The following CACNA1A variants were observed in gnomAD, a reference collection of about 807,000 sequenced individuals.
The protein encoded by CACNA1A is calcium voltage-gated channel subunit alpha1 A, also known as voltage-dependent P/Q-type calcium channel subunit alpha-1A.
CACNA1A carries 57 observed loss-of-function variants against 262.4 expected under a neutral mutation model. That is an observed-to-expected ratio of 0.22 (90% CI 0.18 to 0.27). CACNA1A has a LOEUF of 0.27. Ranked by LOEUF, CACNA1A falls within the 10% of genes least tolerant of loss-of-function variation. The probability of loss-of-function intolerance (pLI) is 1.00; values close to 1 mark genes in which losing one functional copy is unlikely to be tolerated. For missense variants in CACNA1A, 2,526 were observed against 3,562.8 expected, an observed-to-expected ratio of 0.71 and a Z score of 7.41; for synonymous variants, 1,431 against 1,419.3, an observed-to-expected ratio of 1.01 and a Z score of -0.18.
chr19:13,452,600 G>A, intron 3 of CACNA1A: 1 of 279,274 alleles, frequency 3.6e-6, no homozygotes, highest in Non-Finnish European at 6.7e-6. Context: ...CTAATTCAGT[G>A]GGTTGTTGCA....
intron 10 of CACNA1A, among the ~76,000 whole-genome samples, chr19:13,324,546 C>T (rs906217839): frequency 2.0e-5 from 3 of 152,140 alleles, no homozygotes; most frequent in African/African-American, 7.2e-5. Flanking sequence ...CATCACACTG[C>T]ACTCCATAAA....
In CACNA1A at chr19:13,506,099, G is replaced by A. The variant is rs1442192981; in HGVS notation, c.126C>T (p.Pro42=). Residue 42 remains proline, a synonymous_variant, in exon 1 of 47, where the codon CCC becomes CCT. Transcript: ENST00000360228. ...GAGGSRQGGQ[P]GAQRMYKQSM... ...ACTGCTTGTACATCCTTTGCGCCCC[G>A]GGCTGCCCGCCCTGCCGGCTGCCCC... 12 of 1,612,840 alleles carry A rather than the reference G, an allele frequency of 7.4e-6. No homozygotes were observed. The highest frequency in any genetic ancestry group is 1.7e-5 in the Admixed American group (1 of 59,940).
chr19:13,233,606 G>A (rs2055751004), intron 34 of CACNA1A, among the ~76,000 whole-genome samples: 1 of 152,128 alleles, frequency 6.6e-6, no homozygotes, highest in Non-Finnish European at 1.5e-5. Flanking sequence ...TCCTGCCTCA[G>A]CCTCCCAAGT....
intron 1 of CACNA1A, among the ~76,000 whole-genome samples, chr19:13,461,611 C>T (rs544243893): frequency 6.6e-6 from 1 of 152,178 alleles, no homozygotes; most frequent in South Asian, 2.1e-4. Flanking sequence ...ACTGGGTAGT[C>T]GAGCTGGGGG....
intron 1 of CACNA1A, among the ~76,000 whole-genome samples, chr19:13,466,187 T>C (rs1215987354): frequency 6.6e-6 from 1 of 151,958 alleles, no homozygotes; most frequent in Non-Finnish European, 1.5e-5. Context: ...CTGATTTTTT[T>C]TAAATTCCAT....
intron 5 of CACNA1A, chr19:13,362,818 C>T (rs541505547): frequency 3.9e-5 from 6 of 152,272 alleles, no homozygotes; most frequent in South Asian, 2.1e-4. Flanking sequence ...TCCTTCTAAG[C>T]GATTGGCACG....
chr19:13,282,192 A>G (rs554664919), intron 22 of CACNA1A, among the ~76,000 whole-genome samples: 28 of 152,320 alleles, frequency 1.8e-4, no homozygotes, highest in Non-Finnish European at 3.7e-4. Context: ...AGGAAGGGAA[A>G]GTGCATGGTA....
At position 13,207,286 on chromosome 19, in the gene CACNA1A, G is replaced by A. The variant is rs773504559; in HGVS notation, c.*27C>T. On this transcript the variant is annotated 3_prime_UTR_variant, in exon 47 of 47. Coordinates refer to ENST00000360228, the MANE Select transcript of CACNA1A (RefSeq NM_001127222.2). This position sits in a 1 kb window ranked among gnomAD's most constrained non-coding sequence, Gnocchi z 5.7. ...GGTGTGTGCGTGGGGTGCGTGGGGG[G>A]CCGGGCGGGCGCCACCTCGCCCGGG... 19 of 1,528,760 alleles carry A rather than the reference G, an allele frequency of 1.2e-5. No homozygotes were observed. Among genetic ancestry groups the A allele is most frequent in the Non-Finnish European group, 1.5e-5 (17 of 1,143,904 alleles). 94.7% of individuals were successfully genotyped at this position (1,528,760 alleles called of 1,614,324 possible). A position where few individuals can be genotyped will look rare whatever the true frequency, so the allele number is the denominator to read the frequency against.
At chr19:13,415,421 T>A (rs1162886693) in intron 3 of CACNA1A, among the ~76,000 whole-genome samples, 5 of 151,912 alleles carry the variant, frequency 3.3e-5, no homozygotes, top group Non-Finnish European at 7.4e-5. Flanking sequence ...TCCCTTGTCT[T>A]CAGAGCTGAG....
chr19:13,275,089 C>T (rs1019467328), intron 24 of CACNA1A: 3 of 152,190 alleles, frequency 2.0e-5, no homozygotes, highest in South Asian at 2.1e-4. Flanking sequence ...GAATAGCCAC[C>T]CAGAGCTTGG....
intron 3 of CACNA1A, among the ~76,000 whole-genome samples, chr19:13,424,816 T>G (rs1177789994): frequency 6.6e-6 from 1 of 151,568 alleles, no homozygotes. Context: ...CATCTATTTC[T>G]TTTTTTGAGA....
At chr19:13,428,952 A>C (rs1306443010) in intron 3 of CACNA1A, among the ~76,000 whole-genome samples, 1 of 152,130 alleles carries the variant, frequency 6.6e-6, no homozygotes, top group Non-Finnish European at 1.5e-5. Context: ...AGGACGGCAC[A>C]GGTGAATCAC....
At chr19:13,446,014 C>T (rs2060804525) in intron 3 of CACNA1A, among the ~76,000 whole-genome samples, 1 of 152,134 alleles carries the variant, frequency 6.6e-6, no homozygotes, top group South Asian at 2.1e-4. Context: ...GTGGCTCATG[C>T]CTGTAATCCC....
intron 10 of CACNA1A, 142 bp downstream of exon 10, chr19:13,330,102 A>G: frequency 3.3e-6 from 2 of 610,478 alleles, no homozygotes; most frequent in Non-Finnish European, 5.9e-6. Context: ...TAATCTGCCC[A>G]GGACACACGC....
rs1478913966 is a variant in CACNA1A, at chr19:13,506,368, C to T, written c.-144G>A. On this transcript the variant is annotated 5_prime_UTR_variant, in exon 1 of 47. An upstream open reading frame in the 5' UTR gains an earlier in-frame stop. Coordinates refer to ENST00000360228, the MANE Select transcript of CACNA1A (RefSeq NM_001127222.2). ...TACGACTGCGGAGACGCTCCACGGC[C>T]CAGCCCATCGGGCGGCGGCGGCTCG... The T allele has an allele frequency of 1.5e-6, 1 of 661,714 alleles. No homozygotes were observed. Among genetic ancestry groups the T allele is most frequent in the Non-Finnish European group, 2.2e-6 (1 of 461,652 alleles). 41.0% of individuals were successfully genotyped at this position (661,714 alleles called of 1,614,324 possible). A position where few individuals can be genotyped will look rare whatever the true frequency, so the allele number is the denominator to read the frequency against.
In CACNA1A at chr19:13,210,026, G is replaced by GCCCC. The variant is rs2054746574; in HGVS notation, c.6340-532_6340-529dup. ...CCCGGCTAACGGGGCTGTGCTCGCT[G>GCCCC]CCCCCACAAGTCTGAGTCCTTCTGG... is the stretch of plus-strand genomic sequence containing the variant. On this transcript the variant is annotated intron_variant, in intron 44 of 46. Transcript: ENST00000360228. Among the ~76,000 whole-genome samples the GCCCC allele has an allele frequency of 6.6e-5, 10 of 151,626 alleles. No homozygotes were observed. The South Asian group carries it at 2.1e-3, about 32-fold the overall frequency.
rs375210532 is a variant in CACNA1A, at chr19:13,317,133, C to T, written c.1534G>A (p.Glu512Lys). ...CVAIVHYNQP[E>K]WLSDFLYYAE... ...TCACAAAGGAAGTCGGAGAGCCACT[C>T]GGGCTGGTTGTAGTGAACAATAGCA... Residue 512 changes from glutamate (E) to lysine (K), a missense_variant, in exon 11 of 47, where the codon GAG becomes AAG. Glu to Lys is a moderately conservative substitution (Grantham distance 56). Around this residue, in one of 17 missense-constraint regions of CACNA1A, gnomAD observed 102 missense variants for 278.9 expected, o/e 0.37. Coordinates refer to ENST00000360228, the MANE Select transcript of CACNA1A (RefSeq NM_001127222.2). 2.5e-5 allele frequency: 40 copies of T among 1,606,924 alleles called. No homozygotes were observed. Among genetic ancestry groups the T allele is most frequent in the South Asian group, 8.8e-5 (8 of 90,814 alleles).
chr19:13,207,519 G>T lies in CACNA1A; in HGVS notation c.7315C>A (p.Pro2439Thr), dbSNP rs1486314991. ...AMAGAYDAPP[P>T]VRHASSGATG... ...GCGCCCGAGGACGCGTGTCGTACGG[G>T]GGGTGGCGCGTCGTAGGCCCCGGCC... Residue 2439 changes from proline to threonine, a missense_variant, in exon 47 of 47, where the codon CCC becomes ACC. By Grantham distance (38) the Pro-to-Thr change is conservative. Transcript: ENST00000360228. This position sits in a 1 kb window ranked among gnomAD's most constrained non-coding sequence, Gnocchi z 5.7. The T allele has an allele frequency of 7.0e-7, 1 of 1,435,428 alleles. No individual in the cohort carries two copies. The highest frequency in any genetic ancestry group is 2.7e-5 in the Admixed American group (1 of 36,540). The allele number at this position is 1,435,428 out of a possible 1,614,324, so 88.9% of individuals were successfully genotyped here.
chr19:13,288,249 T>C (rs2057453114), intron 19 of CACNA1A, among the ~76,000 whole-genome samples: 2 of 151,774 alleles, frequency 1.3e-5, no homozygotes, highest in East Asian at 1.9e-4. Context: ...TTTCTTTTTT[T>C]TTTTAACTGA....
Sources: allele counts gnomAD v4.1 joint callset (sites outside exome capture counted in the v4.1 genomes callset), GRCh38; gene constraint gnomAD v4.1.1; regional missense constraint gnomAD v4.1.1; non-coding constraint Gnocchi (gnomAD v3.1); transcripts MANE v1.5; gene names NCBI Gene and HGNC (gene_info 2026-07-23, HGNC 2026-07-21).